The following ATP8A2 variants were observed in gnomAD, a reference collection of about 807,000 sequenced individuals.
ATP8A2 encodes the protein ATPase phospholipid transporting 8A2.
A neutral mutation model predicts 165.6 loss-of-function variants in ATP8A2; 100 were observed. The ratio of observed to expected loss-of-function variants is 0.60; its 90% CI spans 0.51 to 0.71. ATP8A2 has a LOEUF of 0.71. Among genes scored for constraint, ATP8A2 ranks in the 30% least tolerant of loss-of-function variants. The pLI is 0.00. For synonymous variants in ATP8A2, 543 were observed against 548.8 expected, an observed-to-expected ratio of 0.99 and a Z score of 0.15; for missense variants, 1,227 against 1,479.5, an observed-to-expected ratio of 0.83 and a Z score of 2.80.
intron 24 of ATP8A2, among the ~76,000 whole-genome samples, chr13:25,671,091 T>A (rs879464090): frequency 6.6e-6 from 1 of 152,210 alleles, no homozygotes; most frequent in Non-Finnish European, 1.5e-5. Context: ...TCATGGACAT[T>A]TATTAGTTCC....
intron 33 of ATP8A2, among the ~76,000 whole-genome samples, chr13:25,882,361 A>C (rs1223773074): frequency 2.0e-5 from 3 of 152,218 alleles, no homozygotes; most frequent in Non-Finnish European, 4.4e-5. Flanking sequence ...TTTTTAAGTC[A>C]ATACAGATCG....
intron 27 of ATP8A2, among the ~76,000 whole-genome samples, chr13:25,776,486 TTGTC>T (rs1170475383): frequency 1.3e-5 from 2 of 152,196 alleles, no homozygotes; most frequent in African/African-American, 2.4e-5. Context: ...TATTCACAAT[TTGTC>T]TGCTGGTCTT....
intron 2 of ATP8A2, chr13:25,517,083 A>AT (rs34573507): frequency 0.44 from 60,827 of 136,864 alleles, 13,817 homozygotes; most frequent in African/African-American, 0.52. Flanking sequence ...GCCTGGTCAC[A>AT]TTTTTTTTTT....
At chr13:25,557,810 A>G (rs2039024948) in intron 13 of ATP8A2, among the ~76,000 whole-genome samples, 2 of 152,222 alleles carry the variant, frequency 1.3e-5, no homozygotes, top group African/African-American at 4.8e-5. Flanking sequence ...TGCATGAGGA[A>G]GAAATTTTGA....
At chr13:25,475,488 C>T (rs957990577) in intron 2 of ATP8A2, among the ~76,000 whole-genome samples, 31 of 152,240 alleles carry the variant, frequency 2.0e-4, no homozygotes, top group African/African-American at 7.5e-4. Flanking sequence ...TTCGAGTCCA[C>T]GTGCCTTTAT....
intron 33 of ATP8A2, among the ~76,000 whole-genome samples, chr13:25,877,758 C>T (rs1346592888): frequency 2.6e-5 from 4 of 152,208 alleles, no homozygotes; most frequent in Non-Finnish European, 5.9e-5. Context: ...CTGTTTACTG[C>T]CAAAATCACC....
chr13:25,391,345 GTCCA>G (rs2033238311), intron 1 of ATP8A2, among the ~76,000 whole-genome samples: 1 of 152,098 alleles, frequency 6.6e-6, no homozygotes, highest in Non-Finnish European at 1.5e-5. Context: ...CTATTCATCT[GTCCA>G]TCCATCCATC....
intron 2 of ATP8A2, among the ~76,000 whole-genome samples, chr13:25,519,866 C>T (rs1433211801): frequency 6.6e-6 from 1 of 152,138 alleles, no homozygotes; most frequent in Non-Finnish European, 1.5e-5. Flanking sequence ...GATGTTTTTC[C>T]CCTGGCAGAG....
intron 1 of ATP8A2, among the ~76,000 whole-genome samples, chr13:25,385,150 G>A (rs1335110649): frequency 6.6e-6 from 1 of 152,198 alleles, no homozygotes; most frequent in Non-Finnish European, 1.5e-5. Flanking sequence ...GCCATGCAAG[G>A]AGTTTATATT....
intron 1 of ATP8A2, among the ~76,000 whole-genome samples, chr13:25,386,416 C>T (rs534049477): frequency 6.6e-6 from 1 of 152,156 alleles, no homozygotes; most frequent in Non-Finnish European, 1.5e-5. Context: ...AATATCGAGG[C>T]AGGCTGAGGT....
chr13:25,658,265 T>C (rs2041976453), intron 24 of ATP8A2, among the ~76,000 whole-genome samples: 1 of 152,220 alleles, frequency 6.6e-6, no homozygotes. Context: ...CCTCTAGAAT[T>C]ACCTGTGTCC....
intron 1 of ATP8A2, among the ~76,000 whole-genome samples, chr13:25,418,472 A>T (rs1029540838): frequency 2.3e-4 from 32 of 138,986 alleles, no homozygotes; most frequent in Non-Finnish European, 3.9e-4. Context: ...GTTAAAGGAT[A>T]TTTTTTTTTC....
intron 1 of ATP8A2, among the ~76,000 whole-genome samples, chr13:25,447,321 T>C (rs1285908495): frequency 1.3e-5 from 2 of 152,190 alleles, no homozygotes; most frequent in African/African-American, 2.4e-5. Context: ...TATTTTGATA[T>C]ATGCACACAA....
intron 24 of ATP8A2, among the ~76,000 whole-genome samples, chr13:25,633,927 G>A (rs1453890700): frequency 1.3e-5 from 2 of 151,256 alleles, no homozygotes; most frequent in African/African-American, 4.9e-5. Context: ...AGCGAGGCAA[G>A]ATCGTGACAC....
At chr13:25,635,961 G>A (rs1394393107) in intron 24 of ATP8A2, among the ~76,000 whole-genome samples, 1 of 152,142 alleles carries the variant, frequency 6.6e-6, no homozygotes, top group Non-Finnish European at 1.5e-5. Context: ...GTTCTGCGGG[G>A]ATTCACTAAA....
At chr13:25,738,854 T>C (rs2043844463) in intron 25 of ATP8A2, among the ~76,000 whole-genome samples, 1 of 152,254 alleles carries the variant, frequency 6.6e-6, no homozygotes. Context: ...GATATATTGA[T>C]TTATTTTCTA....
chr13:25,655,619 T>C (rs1339266639), intron 24 of ATP8A2, among the ~76,000 whole-genome samples: 3 of 152,104 alleles, frequency 2.0e-5, no homozygotes, highest in African/African-American at 7.2e-5. Flanking sequence ...GAGTTGATGG[T>C]CGAGCAGCTA....
At chr13:25,733,327 G>A (rs1183134729) in intron 25 of ATP8A2, among the ~76,000 whole-genome samples, 1 of 152,126 alleles carries the variant, frequency 6.6e-6, no homozygotes, top group Non-Finnish European at 1.5e-5. Flanking sequence ...GGAAAACAGT[G>A]AAGGAAATAG....
intron 33 of ATP8A2, among the ~76,000 whole-genome samples, chr13:25,916,280 C>T (rs1290937829): frequency 6.6e-6 from 1 of 152,238 alleles, no homozygotes; most frequent in African/African-American, 2.4e-5. Flanking sequence ...TCAGCACAAA[C>T]CTTCTGCAGT....
Sources: allele counts gnomAD v4.1 joint callset (sites outside exome capture counted in the v4.1 genomes callset), GRCh38; gene constraint gnomAD v4.1.1; transcripts MANE v1.5; gene names NCBI Gene and HGNC (gene_info 2026-07-23, HGNC 2026-07-21).